Variants in PDE4B observed in about 807,000 individuals in gnomAD.
PDE4B encodes phosphodiesterase 4B, also known as 3',5'-cyclic-AMP phosphodiesterase 4B.
PDE4B carries 20 observed loss-of-function variants against 82.2 expected under a neutral mutation model. The ratio of observed to expected loss-of-function variants is 0.24; its 90% CI spans 0.17 to 0.35. The LOEUF (loss-of-function observed/expected upper bound fraction) is 0.35, where lower values mean the gene tolerates loss of function less well. Among genes scored for constraint, PDE4B ranks in the 10% least tolerant of loss-of-function variants. PDE4B has a pLI of 1.00. For synonymous variants in PDE4B, 320 were observed against 318.9 expected (o/e 1.00, Z -0.04); for missense variants, 655 against 907.2 (o/e 0.72, Z 3.57).
At chr1:66,256,311 G>C (rs1654222060) in intron 4 of PDE4B, among the ~76,000 whole-genome samples, 1 of 152,236 alleles carries the variant, frequency 6.6e-6, no homozygotes, top group Non-Finnish European at 1.5e-5. Flanking sequence ...GTATGTGCTA[G>C]TTAACTGCTC....
chr1:66,160,478 C>T lies in PDE4B; in HGVS notation c.282-86982C>T, dbSNP rs1044208310. ...AAGTTAAATCACTTTTTACCAGTTA[C>T]GTGGCTACATGAGATTAAATTCAGG... On this transcript the variant is annotated intron_variant, in intron 3 of 16. Coordinates refer to ENST00000341517, the MANE Select transcript of PDE4B (RefSeq NM_002600.4). Among the ~76,000 whole-genome samples the T allele has an allele frequency of 6.6e-5, 10 of 152,176 alleles. No individual in the cohort carries two copies. In the South Asian group the frequency reaches 8.3e-4, roughly 13 times the overall value.
intron 3 of PDE4B, among the ~76,000 whole-genome samples, chr1:66,080,535 A>C (rs1656668942): frequency 6.6e-6 from 1 of 152,104 alleles, no homozygotes; most frequent in African/African-American, 2.4e-5. Context: ...TATTGCAGAA[A>C]TAGCCTGAGT....
At chr1:65,979,235 A>G (rs917622050) in intron 3 of PDE4B, among the ~76,000 whole-genome samples, 30 of 152,166 alleles carry the variant, frequency 2.0e-4, no homozygotes, top group Admixed American at 1.6e-3. Flanking sequence ...CTTGCTTCTC[A>G]TTTTGTAATG....
intron 3 of PDE4B, among the ~76,000 whole-genome samples, chr1:66,227,149 C>T (rs1037138818): frequency 4.6e-5 from 7 of 152,244 alleles, no homozygotes; most frequent in African/African-American, 1.4e-4. Context: ...CTGTTTCGGC[C>T]ATGTGGCGTC....
At chr1:65,881,707 C>G (rs902110098) in intron 1 of PDE4B, among the ~76,000 whole-genome samples, 3 of 152,116 alleles carry the variant, frequency 2.0e-5, no homozygotes, top group African/African-American at 7.2e-5. Flanking sequence ...TGGTCTTATA[C>G]TCTTATGCTA....
chr1:66,193,189 A>G (rs1407514899), intron 3 of PDE4B, among the ~76,000 whole-genome samples: 1 of 152,184 alleles, frequency 6.6e-6, no homozygotes, highest in Non-Finnish European at 1.5e-5. Context: ...TTGTTTGTCT[A>G]GTCCTTTAAA....
At chr1:66,069,634 C>T (rs1437664494) in intron 3 of PDE4B, among the ~76,000 whole-genome samples, 1 of 151,946 alleles carries the variant, frequency 6.6e-6, no homozygotes, top group South Asian at 2.1e-4. Context: ...ATGAGATGGC[C>T]GTATTCCTTG....
intron 3 of PDE4B, among the ~76,000 whole-genome samples, chr1:66,024,156 T>C (rs1653304230): frequency 1.3e-5 from 2 of 152,110 alleles, no homozygotes; most frequent in Admixed American, 6.6e-5. Context: ...GTAGAGTTGC[T>C]TATACTTACA....
intron 3 of PDE4B, among the ~76,000 whole-genome samples, chr1:66,123,290 T>G (rs1448772986): frequency 1.3e-5 from 2 of 152,226 alleles, no homozygotes; most frequent in East Asian, 1.9e-4. Context: ...TTGGCAAAAG[T>G]GCACAAATGT....
At chr1:66,014,081 C>T (rs1186735196) in intron 3 of PDE4B, among the ~76,000 whole-genome samples, 2 of 5,694 alleles carry the variant, frequency 3.5e-4, no homozygotes, top group African/African-American at 3.8e-4. Context: ...TGATTATTGG[C>T]CATTTAGTAT....
chr1:66,171,212 G>T (rs976898094), intron 3 of PDE4B, among the ~76,000 whole-genome samples: 4 of 151,914 alleles, frequency 2.6e-5, no homozygotes, highest in Non-Finnish European at 4.4e-5. Flanking sequence ...TCAAGGAAAA[G>T]GAATTTAGAA....
chr1:66,235,258 T>G (rs1348569900), intron 3 of PDE4B, among the ~76,000 whole-genome samples: 1 of 152,240 alleles, frequency 6.6e-6, no homozygotes, highest in Admixed American at 6.5e-5. Context: ...TGTTCAAGTC[T>G]TCTATATCCT....
intron 3 of PDE4B, among the ~76,000 whole-genome samples, chr1:66,000,791 C>T (rs1185761136): frequency 6.6e-6 from 1 of 152,160 alleles, no homozygotes; most frequent in Non-Finnish European, 1.5e-5. Context: ...TTATTGCAAA[C>T]TATGCAGATT....
At chr1:66,196,882 C>T (rs1036720539) in intron 3 of PDE4B, among the ~76,000 whole-genome samples, 10 of 151,570 alleles carry the variant, frequency 6.6e-5, no homozygotes, top group Non-Finnish European at 1.0e-4. Context: ...GTGGGGGTAG[C>T]GCACCAGCAT....
At chr1:65,994,827 C>G (rs1651445267) in intron 3 of PDE4B, among the ~76,000 whole-genome samples, 1 of 152,004 alleles carries the variant, frequency 6.6e-6, no homozygotes, top group Non-Finnish European at 1.5e-5. Context: ...TGGTTCTGAA[C>G]ACAATAGTGT....
At chr1:66,274,533 C>T (rs1449470557) in intron 7 of PDE4B, among the ~76,000 whole-genome samples, 1 of 152,014 alleles carries the variant, frequency 6.6e-6, no homozygotes, top group Non-Finnish European at 1.5e-5. Flanking sequence ...ATGAGAAAAG[C>T]TTTATATAGT....
chr1:66,096,508 T>TCATATATATATA (rs59931848), intron 3 of PDE4B, among the ~76,000 whole-genome samples: 6,997 of 106,748 alleles, frequency 0.066, 993 homozygotes, highest in Non-Finnish European at 0.078. Flanking sequence ...GTAAAAAAAA[T>TCATATATATATA]TATATATATA....
intron 1 of PDE4B, among the ~76,000 whole-genome samples, chr1:65,897,461 T>C (rs1320213592): frequency 6.6e-6 from 1 of 152,090 alleles, no homozygotes; most frequent in Non-Finnish European, 1.5e-5. Context: ...TATGAATGGT[T>C]CCATCTCTCA....
chr1:66,168,099 C>T lies in PDE4B; in HGVS notation c.282-79361C>T, dbSNP rs140021715. Among the ~76,000 whole-genome samples, 15 of 152,264 alleles carry T rather than the reference C, an allele frequency of 9.9e-5. No individual in the cohort carries two copies. The East Asian group carries it at 2.9e-3, about 29-fold the overall frequency. ...TCACTTCTATTTATTATGAACTAGA[C>T]CAACTATCTTCTTTCTCATTAGCTG... On this transcript the variant is annotated intron_variant, in intron 3 of 16. Transcript: ENST00000341517.
Sources: allele counts gnomAD v4.1 joint callset (sites outside exome capture counted in the v4.1 genomes callset), GRCh38; gene constraint gnomAD v4.1.1; transcripts MANE v1.5; gene names NCBI Gene and HGNC (gene_info 2026-07-23, HGNC 2026-07-21).